The following CTNND2 variants were observed in gnomAD, a reference collection of about 807,000 sequenced individuals.
The protein encoded by CTNND2 is catenin delta 2.
In CTNND2, 22 loss-of-function variants were observed where a neutral mutation model predicts 144.4. That is an observed-to-expected ratio of 0.15 (90% confidence interval 0.11 to 0.22). The LOEUF (loss-of-function observed/expected upper bound fraction) is 0.22. Ranked by LOEUF, CTNND2 falls within the 10% of genes least tolerant of loss-of-function variation. The pLI is 1.00. For synonymous variants in CTNND2, 751 were observed against 695.6 expected, an observed-to-expected ratio of 1.08 and a Z score of -1.25; for missense variants, 1,353 against 1,618.8, an observed-to-expected ratio of 0.84 and a Z score of 2.82.
chr5:11,477,857 G>T (rs1425428124), intron 3 of CTNND2, among the ~76,000 whole-genome samples: 1 of 152,142 alleles, frequency 6.6e-6, no homozygotes, highest in South Asian at 2.1e-4. Context: ...AGAGAATGTT[G>T]TTATGAATAG....
rs1161402716 is a variant in CTNND2 at position 11,397,337 on chromosome 5, C to G, written c.440-134G>C. The G allele has an allele frequency of 2.6e-5, 17 of 662,714 alleles. No individual in the cohort carries two copies. In the East Asian group the frequency reaches 5.2e-4, roughly 20 times the overall value. The allele number at this position is 662,714 out of a possible 1,614,324, so 41.1% of individuals were successfully genotyped here. ...CCATCCATGCTTAAAATTCTGAGAACTAAAATGACCATATAATTTGACTCC... is the reference window on the plus strand; with the variant it reads ...CCATCCATGCTTAAAATTCTGAGAAGTAAAATGACCATATAATTTGACTCC... On this transcript the variant is annotated intron_variant, in intron 5 of 21. Coordinates refer to ENST00000304623, the MANE Select transcript of CTNND2 (RefSeq NM_001332.4).
At chr5:10,980,206 G>A (rs1409641594) in intron 21 of CTNND2, among the ~76,000 whole-genome samples, 19 of 146,126 alleles carry the variant, frequency 1.3e-4, no homozygotes, top group African/African-American at 4.3e-4. Context: ...AAATTTACAA[G>A]AAAAAAAAAA....
At chr5:11,638,986 A>G (rs1781853972) in intron 2 of CTNND2, among the ~76,000 whole-genome samples, 1 of 152,190 alleles carries the variant, frequency 6.6e-6, no homozygotes, top group Non-Finnish European at 1.5e-5. Flanking sequence ...TTTCCATCAG[A>G]ACTGAGAAGG....
chr5:11,443,457 CGGTGTGTGTGTGT>C (rs921047961), intron 3 of CTNND2, among the ~76,000 whole-genome samples: 1 of 136,598 alleles, frequency 7.3e-6, no homozygotes, highest in Non-Finnish European at 1.6e-5. Context: ...TATGTCTGTG[CGGTGTGTGTGTGT>C]GCATACATAT....
chr5:11,145,348 G>A (rs1431777085), intron 12 of CTNND2, among the ~76,000 whole-genome samples: 1 of 56,228 alleles, frequency 1.8e-5, no homozygotes, highest in Non-Finnish European at 6.6e-5. Context: ...GCCTCCCCCT[G>A]TCCCAGCCCT....
chr5:11,264,823 C>T (rs1287941833), intron 9 of CTNND2, among the ~76,000 whole-genome samples: 1 of 152,022 alleles, frequency 6.6e-6, no homozygotes, highest in East Asian at 1.9e-4. Context: ...CCCAATTACA[C>T]AGGAGGCTGA....
chr5:11,048,942 A>G (rs1277967605), intron 16 of CTNND2, among the ~76,000 whole-genome samples: 1 of 152,210 alleles, frequency 6.6e-6, no homozygotes, highest in African/African-American at 2.4e-5. Context: ...CAGGACAGAC[A>G]GCAGCAGCTC....
intron 1 of CTNND2, among the ~76,000 whole-genome samples, chr5:11,889,359 CA>C (rs1437064991): frequency 6.6e-6 from 1 of 152,156 alleles, no homozygotes; most frequent in Non-Finnish European, 1.5e-5. Flanking sequence ...AGAGCAGATT[CA>C]AACACTAAAG....
chr5:11,592,539 T>C (rs1223892056), intron 2 of CTNND2, among the ~76,000 whole-genome samples: 1 of 151,974 alleles, frequency 6.6e-6, no homozygotes, highest in East Asian at 1.9e-4. Flanking sequence ...TGTGAGATAA[T>C]CATAACAGTG....
chr5:11,895,184 C>T (rs1490508231), intron 1 of CTNND2, among the ~76,000 whole-genome samples: 5 of 152,138 alleles, frequency 3.3e-5, no homozygotes, highest in African/African-American at 4.8e-5. Flanking sequence ...CTGTGAGCCC[C>T]GGACTGCCAC....
chr5:10,980,514 AATACCATT>A (rs1737091075), intron 21 of CTNND2, among the ~76,000 whole-genome samples: 1 of 152,206 alleles, frequency 6.6e-6, no homozygotes, highest in African/African-American at 2.4e-5. Flanking sequence ...TAGAACCAGA[AATACCATT>A]TGACCCAGTG....
intron 12 of CTNND2, among the ~76,000 whole-genome samples, chr5:11,127,079 T>TG (rs1754753986): frequency 6.6e-6 from 1 of 152,144 alleles, no homozygotes. Context: ...GGACAGGACC[T>TG]GGCAGGGAGC....
At chr5:11,129,844 T>TA (rs1343581411) in intron 12 of CTNND2, among the ~76,000 whole-genome samples, 6 of 152,096 alleles carry the variant, frequency 3.9e-5, no homozygotes, top group African/African-American at 1.4e-4. Flanking sequence ...CAACCATAAG[T>TA]ACCAGGCAGT....
chr5:11,648,958 A>G (rs1581665243), intron 2 of CTNND2, among the ~76,000 whole-genome samples: 1 of 152,340 alleles, frequency 6.6e-6, no homozygotes, highest in Non-Finnish European at 1.5e-5. Flanking sequence ...CTGTAGATGG[A>G]TAACACATTT....
chr5:11,720,269 G>C (rs143110648), intron 2 of CTNND2, among the ~76,000 whole-genome samples: 2 of 152,040 alleles, frequency 1.3e-5, no homozygotes, highest in Admixed American at 6.6e-5. Flanking sequence ...AGTGAAACTT[G>C]CCATTGTCAC....
At chr5:11,747,713 AAAAACAAAAC>A (rs1395563197) in intron 1 of CTNND2, among the ~76,000 whole-genome samples, 1 of 152,168 alleles carries the variant, frequency 6.6e-6, no homozygotes, top group Non-Finnish European at 1.5e-5. Context: ...AATCTGGCAA[AAAAACAAAAC>A]AAAACAAAAA....
At chr5:11,038,940 C>T (rs6881839) in intron 16 of CTNND2, among the ~76,000 whole-genome samples, 37,722 of 152,062 alleles carry the variant, frequency 0.25, 5,351 homozygotes, top group Admixed American at 0.37. Flanking sequence ...AGGGGCAGAA[C>T]GTCAGCATTA....
chr5:11,709,253 G>A (rs1009004304), intron 2 of CTNND2, among the ~76,000 whole-genome samples: 3 of 152,272 alleles, frequency 2.0e-5, no homozygotes, highest in African/African-American at 4.8e-5. Flanking sequence ...AGTTTCACTC[G>A]GCTAATGGGC....
intron 2 of CTNND2, among the ~76,000 whole-genome samples, chr5:11,626,218 G>T (rs531713671): frequency 1.3e-5 from 2 of 152,138 alleles, no homozygotes; most frequent in African/African-American, 4.8e-5. Context: ...GTTGCACATT[G>T]ATGCCAACTT....
Sources: allele counts gnomAD v4.1 joint callset (sites outside exome capture counted in the v4.1 genomes callset), GRCh38; gene constraint gnomAD v4.1.1; transcripts MANE v1.5; gene names NCBI Gene and HGNC (gene_info 2026-07-23, HGNC 2026-07-21).